SLC39A10: variants seen among roughly 807,000 people sequenced by gnomAD.
The protein encoded by SLC39A10 is solute carrier family 39 member 10.
Under a neutral mutation model 65.1 loss-of-function variants are expected in SLC39A10, and 13 were observed. The observed-to-expected ratio is 0.20, with a 90% confidence interval of 0.13 to 0.32. SLC39A10 has a LOEUF of 0.32. SLC39A10 is among the 10% of genes least tolerant of loss of function. The pLI, the probability that SLC39A10 is intolerant of heterozygous loss-of-function variation, is 1.00. For synonymous variants in SLC39A10, 321 were observed against 342.2 expected, an observed-to-expected ratio of 0.94 and a Z score of 0.68; for missense variants, 831 against 1,018.4, an observed-to-expected ratio of 0.82 and a Z score of 2.50.
At chr2:195,734,459 G>C (rs1195399339) in intron 9 of SLC39A10, among the ~76,000 whole-genome samples, 1 of 152,168 alleles carries the variant, frequency 6.6e-6, no homozygotes, top group Non-Finnish European at 1.5e-5. Flanking sequence ...ACCGTGCCCG[G>C]CCCAAGAATC....
intron 1 of SLC39A10, chr2:195,657,641 T>G: frequency 1.0e-6 from 1 of 983,452 alleles, no homozygotes; most frequent in African/African-American, 1.8e-5. Flanking sequence ...GCGCCCGGGG[T>G]GGGGGAGTGA....
At position 195,716,809 on chromosome 2, in the gene SLC39A10, T is replaced by G. The variant is rs1318240523; in HGVS notation, c.1869T>G (p.Ala623=). 6.2e-7 allele frequency: 1 copy of G among 1,614,218 alleles called. No individual in the cohort carries two copies. Among genetic ancestry groups the G allele is most frequent in the Admixed American group, 1.7e-5 (1 of 60,026 alleles). The change falls in exon 7 of 10, where the codon GCT becomes GCG. Residue 623 remains alanine (A), a synonymous_variant. Transcript: ENST00000359634. ...CCATTCATGAGCATGATCTCCATGCTGCTGCACATAACCACCACGGCGAGA... is the reference window on the plus strand; with the variant it reads ...CCATTCATGAGCATGATCTCCATGCGGCTGCACATAACCACCACGGCGAGA... The part of the protein sequence containing the change: ...LHTIHEHDLH[A]AAHNHHGENK...
At position 195,680,140 on chromosome 2, in the gene SLC39A10, C is replaced by T. The variant is rs140353216; in HGVS notation, c.98C>T (p.Pro33Leu). Residue 33 changes from proline to leucine, a missense_variant, in exon 2 of 10, where the codon CCT becomes CTT. Coordinates refer to ENST00000359634, the MANE Select transcript of SLC39A10 (RefSeq NM_020342.3). The stretch of plus-strand genomic sequence containing the variant: ...TGCCATGAAGAACATGACCATGGCC[C>T]TGAAGCGCTTCACAGACAGCATCGT... ...NHCHEEHDHG[P>L]EALHRQHRGM... 3 of 1,614,002 alleles carry T rather than the reference C, an allele frequency of 1.9e-6. No individual in the cohort carries two copies. Among genetic ancestry groups the T allele is most frequent in the Non-Finnish European group, 2.5e-6 (3 of 1,180,024 alleles).
chr2:195,619,925 T>C (rs1688315648), intron 2 of SLC39A10, among the ~76,000 whole-genome samples: 1 of 151,978 alleles, frequency 6.6e-6, no homozygotes, highest in Admixed American at 6.6e-5. Flanking sequence ...TATTTATTTA[T>C]TTATTTATTT....
chr2:195,683,607 T>TTAA (rs1274094569), intron 2 of SLC39A10, 92 bp from the exon 3 acceptor site: 2 of 914,360 alleles, frequency 2.2e-6, no homozygotes, highest in East Asian at 5.0e-5. Flanking sequence ...TTGCAAGTAA[T>TTAA]ATTTAGAGTA....
At chr2:195,692,119 C>T (rs984309337) in intron 3 of SLC39A10, among the ~76,000 whole-genome samples, 1 of 152,108 alleles carries the variant, frequency 6.6e-6, no homozygotes, top group Non-Finnish European at 1.5e-5. Flanking sequence ...CCTTTCCCCA[C>T]TTTATGTTTT....
chr2:195,634,475 C>T, intron 2 of SLC39A10, among the ~76,000 whole-genome samples: 1 of 152,264 alleles, frequency 6.6e-6, no homozygotes, highest in African/African-American at 2.4e-5. Context: ...GATGTGCCTC[C>T]TTCCAGCTAC....
At chr2:195,620,213 C>T (rs1484005176) in intron 2 of SLC39A10, among the ~76,000 whole-genome samples, 1 of 151,952 alleles carries the variant, frequency 6.6e-6, no homozygotes, top group East Asian at 1.9e-4. Flanking sequence ...CATAAGCCAC[C>T]GTGCCCAGCC....
At chr2:195,645,641 T>A (rs917253643) in intron 2 of SLC39A10, among the ~76,000 whole-genome samples, 2 of 150,862 alleles carry the variant, frequency 1.3e-5, no homozygotes, top group Non-Finnish European at 2.9e-5. Flanking sequence ...CTTGTCTCTA[T>A]AAATTTTCCT....
intron 3 of SLC39A10, among the ~76,000 whole-genome samples, chr2:195,689,548 C>T (rs1485858090): frequency 2.0e-5 from 3 of 152,010 alleles, no homozygotes; most frequent in Non-Finnish European, 4.4e-5. Flanking sequence ...TCCAATTTTA[C>T]TGTGATGAAA....
intron 2 of SLC39A10, among the ~76,000 whole-genome samples, chr2:195,681,473 C>T (rs372987973): frequency 2.0e-5 from 3 of 151,886 alleles, no homozygotes; most frequent in East Asian, 1.9e-4. Context: ...TGCAGTGAGC[C>T]GAGATCATGC....
At chr2:195,652,959 G>T (rs1017365699), upstream of SLC39A10, among the ~76,000 whole-genome samples, 2 of 152,132 alleles carry the variant, frequency 1.3e-5, no homozygotes, top group Non-Finnish European at 2.9e-5. Context: ...CAGTCCTTAT[G>T]AGAATCTAAC....
chr2:195,718,720 A>T (rs1192806855), intron 8 of SLC39A10, among the ~76,000 whole-genome samples: 1 of 152,176 alleles, frequency 6.6e-6, no homozygotes, highest in Non-Finnish European at 1.5e-5. Context: ...GTTTGTAATT[A>T]CATAATTGAA....
Position 195,716,861 on chromosome 2 carries a change from C to T in SLC39A10, c.1921C>T (p.His641Tyr), listed in dbSNP as rs754343239. ...ENKTVLRKHNHQWHHKHSHHS... is the reference protein window; with the variant it reads ...ENKTVLRKHNYQWHHKHSHHS... The stretch of plus-strand genomic sequence containing the variant: ...CAAAACTGTGCTGAGGAAGCATAAT[C>T]ACCAGTGGCACCACAAGCATTCTCA... The change falls in exon 7 of 10, where the codon CAC becomes TAC. Residue 641 changes from histidine (H) to tyrosine (Y), a missense_variant. By Grantham distance (83) the His-to-Tyr change is moderately conservative. This residue lies in a region of SLC39A10 where 230 missense variants were observed against 242.9 expected (regional missense o/e 0.95). Coordinates refer to ENST00000359634, the MANE Select transcript of SLC39A10 (RefSeq NM_020342.3). 1.2e-6 allele frequency: 2 copies of T among 1,614,194 alleles called. No homozygotes were observed. Among genetic ancestry groups the T allele is most frequent in the Admixed American group, 3.3e-5 (2 of 60,020 alleles).
At chr2:195,665,011 C>T (rs1293589733) in intron 1 of SLC39A10, among the ~76,000 whole-genome samples, 2 of 152,070 alleles carry the variant, frequency 1.3e-5, no homozygotes, top group African/African-American at 2.4e-5. Context: ...AGGGAAACCA[C>T]CATCTCGACA....
At chr2:195,662,124 G>A (rs968135627) in intron 1 of SLC39A10, among the ~76,000 whole-genome samples, 2 of 152,222 alleles carry the variant, frequency 1.3e-5, no homozygotes, top group Admixed American at 6.5e-5. Flanking sequence ...TGTGAACTAC[G>A]AAGGAGGTTA....
intron 8 of SLC39A10, among the ~76,000 whole-genome samples, chr2:195,725,710 A>G (rs1692211098): frequency 6.6e-6 from 1 of 152,224 alleles, no homozygotes; most frequent in African/African-American, 2.4e-5. Flanking sequence ...GAACAACTTA[A>G]ATGTTCTTTG....
chr2:195,638,595 C>T (rs537098079), intron 2 of SLC39A10, among the ~76,000 whole-genome samples: 9 of 152,048 alleles, frequency 5.9e-5, no homozygotes, highest in African/African-American at 1.7e-4. Flanking sequence ...CCACCCACCT[C>T]GGCCTCCCAA....
intron 5 of SLC39A10, among the ~76,000 whole-genome samples, chr2:195,712,347 G>C (rs762188359): frequency 1.3e-5 from 2 of 152,240 alleles, no homozygotes; most frequent in African/African-American, 4.8e-5. Flanking sequence ...CCAGGGCAGG[G>C]GGGTAGATTC....
Sources: allele counts gnomAD v4.1 joint callset (sites outside exome capture counted in the v4.1 genomes callset), GRCh38; gene constraint gnomAD v4.1.1; regional missense constraint gnomAD v4.1.1; transcripts MANE v1.5; gene names NCBI Gene and HGNC (gene_info 2026-07-23, HGNC 2026-07-21).